The following FHOD3 variants were observed in gnomAD, a reference collection of about 807,000 sequenced individuals.
FHOD3 encodes FH1/FH2 domain-containing protein 3.
FHOD3 carries 90 observed loss-of-function variants against 173.0 expected under a neutral mutation model. The observed-to-expected ratio is 0.52, with a 90% CI of 0.44 to 0.62. The LOEUF is 0.62. FHOD3 is among the 20% of genes least tolerant of loss of function. FHOD3 has a pLI of 0.00. For missense variants in FHOD3, 1,945 were observed against 2,034.7 expected (o/e 0.96, Z 0.85); for synonymous variants, 828 against 823.0 (o/e 1.01, Z -0.10).
At chr18:36,544,834 A>G (rs1163089422) in intron 5 of FHOD3, 2 of 152,236 alleles carry the variant, frequency 1.3e-5, no homozygotes, top group Non-Finnish European at 2.9e-5. Flanking sequence ...TTCCAGCAAT[A>G]TAAAAAGCTT....
At chr18:36,749,081 G>C (rs189009306) in intron 24 of FHOD3, among the ~76,000 whole-genome samples, 147 of 152,240 alleles carry the variant, frequency 9.7e-4, no homozygotes, top group Non-Finnish European at 1.6e-3. Context: ...TTTGATGTCA[G>C]ATCAAAAAGT....
At chr18:36,493,461 A>G (rs2054577577) in intron 3 of FHOD3, among the ~76,000 whole-genome samples, 2 of 152,202 alleles carry the variant, frequency 1.3e-5, no homozygotes, top group South Asian at 4.1e-4. Context: ...TCTTGAGAAC[A>G]AGGTCTAGAG....
At chr18:36,455,460 T>C (rs73947136) in intron 3 of FHOD3, among the ~76,000 whole-genome samples, 16,040 of 152,222 alleles carry the variant, frequency 0.11, 1,750 homozygotes, top group African/African-American at 0.26. Context: ...ATCCTATCTA[T>C]ATATTATGGC....
intron 3 of FHOD3, among the ~76,000 whole-genome samples, chr18:36,438,421 C>A (rs1167169453): frequency 6.6e-6 from 1 of 152,184 alleles, no homozygotes; most frequent in Admixed American, 6.5e-5. Context: ...CCCTCTCCCA[C>A]CGGCTCCCCT....
intron 3 of FHOD3, among the ~76,000 whole-genome samples, chr18:36,378,664 T>C (rs910233566): frequency 2.3e-4 from 33 of 144,390 alleles, no homozygotes; most frequent in Non-Finnish European, 1.7e-4. Context: ...TTAACATACA[T>C]GAGAGTGTAG....
chr18:36,576,269 TG>T (rs1180978298), intron 5 of FHOD3, among the ~76,000 whole-genome samples, 181 bp from the exon 6 acceptor site: 2 of 152,228 alleles, frequency 1.3e-5, no homozygotes, highest in Non-Finnish European at 2.9e-5. Flanking sequence ...TTTCTTCTAG[TG>T]TTCGACACTT....
chr18:36,301,076 CA>C (rs1170814452), intron 1 of FHOD3, among the ~76,000 whole-genome samples: 1 of 152,048 alleles, frequency 6.6e-6, no homozygotes, highest in Non-Finnish European at 1.5e-5. Flanking sequence ...GTCACATATA[CA>C]AAAAAGTGTA....
At chr18:36,342,380 A>G (rs1169265791) in intron 1 of FHOD3, among the ~76,000 whole-genome samples, 2 of 152,158 alleles carry the variant, frequency 1.3e-5, no homozygotes, top group African/African-American at 4.8e-5. Flanking sequence ...AATACTAGAT[A>G]GGATAATTAC....
intron 28 of FHOD3, among the ~76,000 whole-genome samples, chr18:36,771,014 C>G (rs887213057): frequency 2.6e-5 from 4 of 152,122 alleles, no homozygotes; most frequent in Non-Finnish European, 5.9e-5. Context: ...ATATCTAAGG[C>G]CTTTACATTT....
chr18:36,640,529 G>A (rs2035230562), intron 10 of FHOD3, among the ~76,000 whole-genome samples: 1 of 152,200 alleles, frequency 6.6e-6, no homozygotes, highest in African/African-American at 2.4e-5. Context: ...GACCAAGACT[G>A]GAGGGCCATG....
At chr18:36,712,220 C>G (rs981928249) in intron 18 of FHOD3, among the ~76,000 whole-genome samples, 4 of 152,168 alleles carry the variant, frequency 2.6e-5, no homozygotes, top group African/African-American at 9.7e-5. Flanking sequence ...GGAAAAATCA[C>G]TCATCATTTC....
intron 2 of FHOD3, among the ~76,000 whole-genome samples, chr18:36,369,520 G>T (rs1347354127): frequency 6.8e-6 from 1 of 148,126 alleles, no homozygotes; most frequent in African/African-American, 2.5e-5. Flanking sequence ...GAGAGAGAGA[G>T]AGAGAGAGCA....
chr18:36,508,802 C>T (rs2055455070), intron 4 of FHOD3, among the ~76,000 whole-genome samples: 1 of 152,176 alleles, frequency 6.6e-6, no homozygotes. Flanking sequence ...TAGAAATATT[C>T]TACCTAATAA....
chr18:36,648,791 A>G (rs374389464), intron 10 of FHOD3, among the ~76,000 whole-genome samples: 5 of 152,290 alleles, frequency 3.3e-5, no homozygotes, highest in African/African-American at 1.2e-4. Flanking sequence ...TTCATTGAGA[A>G]TAAGGGGTGG....
chr18:36,637,312 G>A (rs1001034654), intron 10 of FHOD3, among the ~76,000 whole-genome samples: 1 of 152,022 alleles, frequency 6.6e-6, no homozygotes, highest in Non-Finnish European at 1.5e-5. Flanking sequence ...GTTTGTTTTG[G>A]GGTTTTTCTG....
At chr18:36,600,252 A>AACACACACACACACACAC (rs67473480) in intron 7 of FHOD3, among the ~76,000 whole-genome samples, 21 of 143,178 alleles carry the variant, frequency 1.5e-4, no homozygotes, top group African/African-American at 4.9e-4. Flanking sequence ...TCTCCTCTGC[A>AACACACACACACACACAC]ACACACACAC....
At chr18:36,357,352 TTC>T (rs535875899) in intron 2 of FHOD3, among the ~76,000 whole-genome samples, 2 of 152,210 alleles carry the variant, frequency 1.3e-5, no homozygotes, top group Non-Finnish European at 2.9e-5. Flanking sequence ...ATTTGGCATT[TTC>T]TCAGCATGTT....
intron 3 of FHOD3, among the ~76,000 whole-genome samples, chr18:36,402,764 T>C (rs370821314): frequency 6.6e-6 from 1 of 152,228 alleles, no homozygotes; most frequent in Non-Finnish European, 1.5e-5. Flanking sequence ...GAATTTTCTA[T>C]CTTTCTGATT....
intron 1 of FHOD3, among the ~76,000 whole-genome samples, chr18:36,306,642 C>T (rs148763830): frequency 2.3e-4 from 35 of 152,286 alleles, no homozygotes; most frequent in Non-Finnish European, 5.0e-4. Context: ...CCAAAGTCCT[C>T]GAGTAGTTGG....
Sources: allele counts gnomAD v4.1 joint callset (sites outside exome capture counted in the v4.1 genomes callset), GRCh38; gene constraint gnomAD v4.1.1; transcripts MANE v1.5; gene names NCBI Gene and HGNC (gene_info 2026-07-23, HGNC 2026-07-21).